The following PCDHGA6 variants were observed in gnomAD, a reference collection of about 807,000 sequenced individuals.
The protein encoded by PCDHGA6 is protocadherin gamma-A6.
A neutral mutation model predicts 60.6 loss-of-function variants in PCDHGA6; 41 were observed. The ratio of observed to expected loss-of-function variants is 0.68; its 90% CI spans 0.53 to 0.88. The LOEUF is 0.88. Among genes scored for constraint, PCDHGA6 ranks in the 40% least tolerant of loss-of-function variants. The pLI is 0.00. For missense variants in PCDHGA6, 1,312 were observed against 1,203.0 expected (o/e 1.09, Z -1.34); for synonymous variants, 594 against 524.4 (o/e 1.13, Z -1.81).
Position 141,490,398 on chromosome 5 carries a change from C to A in PCDHGA6, c.2425-4409C>A. 1 of 1,614,168 alleles carries A rather than the reference C, an allele frequency of 6.2e-7. No homozygotes were observed. Among genetic ancestry groups the A allele is most frequent in the South Asian group, 1.1e-5 (1 of 91,088 alleles). On this transcript the variant is annotated intron_variant, in intron 1 of 3. Coordinates refer to ENST00000517434, the MANE Select transcript of PCDHGA6 (RefSeq NM_018919.3). This position sits in a 1 kb window ranked among gnomAD's most constrained non-coding sequence, Gnocchi z 5.4. ...ACTCAGGTAGAAATGGTGAAGTGAG[C>A]CTTGATATCTCTCCGGACCTGCCAT...
intron 1 of PCDHGA6, chr5:141,441,665 A>ACAGTG (rs936537442): frequency 7.5e-6 from 2 of 265,720 alleles, no homozygotes; most frequent in African/African-American, 4.7e-5. Flanking sequence ...CCTTGAGCGC[A>ACAGTG]CAGTGCGCCT....
At chr5:141,387,568 T>G in intron 1 of PCDHGA6, 1 of 447,496 alleles carries the variant, frequency 2.2e-6, no homozygotes, top group Admixed American at 3.9e-5. Context: ...CACACAATTA[T>G]AATTATTGCA....
intron 1 of PCDHGA6, among the ~76,000 whole-genome samples, chr5:141,457,319 G>A (rs914658873): frequency 7.9e-5 from 12 of 152,086 alleles, no homozygotes; most frequent in East Asian, 3.8e-4. Flanking sequence ...AGAAACCTCC[G>A]GGTTACAGGT....
rs752472089 is a variant in PCDHGA6, at chr5:141,389,501, G to T, written c.2424+12994G>T. The T allele has an allele frequency of 3.7e-6, 6 of 1,612,948 alleles. No individual in the cohort carries two copies. In the East Asian group the frequency reaches 6.7e-5, roughly 18 times the overall value. On this transcript the variant is annotated intron_variant, in intron 1 of 3. Transcript: ENST00000517434. Reference sequence around the variant, plus strand: ...AGGCCCGCGACCAGGGCTCGCCAGCGCTCAGCGCGAACGTGAGCCTGCGCG... The same window carrying T: ...AGGCCCGCGACCAGGGCTCGCCAGCTCTCAGCGCGAACGTGAGCCTGCGCG...
At chr5:141,510,158 A>G (rs1406170246) in intron 3 of PCDHGA6, among the ~76,000 whole-genome samples, 1 of 152,018 alleles carries the variant, frequency 6.6e-6, no homozygotes, top group African/African-American at 2.4e-5. Flanking sequence ...CTGTAATCTC[A>G]GCTACTCAGG....
At chr5:141,505,261 T>C in intron 2 of PCDHGA6, 132 bp from the exon 3 acceptor site, 1 of 1,505,282 alleles carries the variant, frequency 6.6e-7, no homozygotes. Context: ...GCCTCCTACC[T>C]TGCTGAGAGA....
intron 1 of PCDHGA6, chr5:141,422,646 C>T (rs748692494): frequency 5.0e-6 from 8 of 1,611,836 alleles, no homozygotes; most frequent in Non-Finnish European, 6.8e-6. Flanking sequence ...CCTCCATCTT[C>T]TCAGTGACCG....
At chr5:141,509,040 C>G (rs1217864661) in intron 3 of PCDHGA6, among the ~76,000 whole-genome samples, 1 of 152,132 alleles carries the variant, frequency 6.6e-6, no homozygotes, top group Non-Finnish European at 1.5e-5. Context: ...CAACCCCTCT[C>G]CCCCGCCCCC....
intron 1 of PCDHGA6, among the ~76,000 whole-genome samples, chr5:141,470,011 C>T (rs2099218489): frequency 6.6e-6 from 1 of 152,144 alleles, no homozygotes; most frequent in Non-Finnish European, 1.5e-5. Context: ...CGCCTGTAAT[C>T]CCAGCTACTC....
chr5:141,495,839 A>G (rs2099764148), intron 2 of PCDHGA6, among the ~76,000 whole-genome samples: 1 of 150,756 alleles, frequency 6.6e-6, no homozygotes, highest in South Asian at 2.1e-4. Flanking sequence ...CCCAGCCTCT[A>G]TGTTTCTCTG....
rs1001516677 is a variant in PCDHGA6 at position 141,399,747 on chromosome 5, A to G, written c.2424+23240A>G. On this transcript the variant is annotated intron_variant, in intron 1 of 3. Coordinates refer to ENST00000517434, the MANE Select transcript of PCDHGA6 (RefSeq NM_018919.3). The stretch of plus-strand genomic sequence containing the variant: ...ACCAGGGCTCGCCTGCGCTCAGCGC[A>G]AACGTGAGCCTGCGCGTGTTGGTGG... 3.7e-6 allele frequency: 6 copies of G among 1,613,228 alleles called. No homozygotes were observed. In the African/African-American group the frequency reaches 6.7e-5, roughly 18 times the overall value.
At chr5:141,452,897 T>C (rs1447851469) in intron 1 of PCDHGA6, among the ~76,000 whole-genome samples, 1 of 152,230 alleles carries the variant, frequency 6.6e-6, no homozygotes, top group Non-Finnish European at 1.5e-5. Flanking sequence ...CCACTTTTAT[T>C]AGTTGGCATT....
At chr5:141,410,625 G>A (rs202058499) in intron 1 of PCDHGA6, 1 of 1,602,442 alleles carries the variant, frequency 6.2e-7, no homozygotes, top group Non-Finnish European at 8.5e-7. Flanking sequence ...ACTTCGGTGA[G>A]TTTCTCTTTT....
rs767892593 is a variant in PCDHGA6, at chr5:141,400,152, T to C, written c.2424+23645T>C. 8 of 1,614,064 alleles carry C rather than the reference T, an allele frequency of 5.0e-6. 1 individual carries two copies. In the South Asian group the frequency reaches 6.6e-5, roughly 13 times the overall value. Reference sequence around the variant, plus strand: ...TGCTGCCGGATATCACTGACCGCCCTGTACCCTCTGACCCCCAGGCTGAGC... The same window carrying C: ...TGCTGCCGGATATCACTGACCGCCCCGTACCCTCTGACCCCCAGGCTGAGC... On this transcript the variant is annotated intron_variant, in intron 1 of 3. Transcript: ENST00000517434.
At chr5:141,381,763 A>G (rs1419623732) in intron 1 of PCDHGA6, among the ~76,000 whole-genome samples, 2 of 151,122 alleles carry the variant, frequency 1.3e-5, no homozygotes, top group Non-Finnish European at 2.9e-5. Context: ...CTACTACTAT[A>G]TAATCAATAA....
intron 2 of PCDHGA6, among the ~76,000 whole-genome samples, chr5:141,498,309 G>A (rs2099783046): frequency 6.6e-6 from 1 of 151,844 alleles, no homozygotes; most frequent in Non-Finnish European, 1.5e-5. Flanking sequence ...GGGTCACACT[G>A]CCTACACAGA....
intron 1 of PCDHGA6, chr5:141,407,920 C>T: frequency 2.1e-6 from 1 of 475,788 alleles, no homozygotes; most frequent in Non-Finnish European, 3.6e-6. Context: ...GCTGCTGTCC[C>T]GCACGGAGCC....
chr5:141,511,265 A>C lies in PCDHGA6; in HGVS notation c.*92A>C. The C allele has an allele frequency of 6.4e-7, 1 of 1,551,730 alleles. No individual in the cohort carries two copies. Among genetic ancestry groups the C allele is most frequent in the Non-Finnish European group, 8.7e-7 (1 of 1,148,178 alleles). ...ACCCAGGCCTCAGAGTTTCAGGGCT[A>C]ACCCCCAGAATACTGGTAGGGGCCA... On this transcript the variant is annotated 3_prime_UTR_variant, in exon 4 of 4. Coordinates refer to ENST00000517434, the MANE Select transcript of PCDHGA6 (RefSeq NM_018919.3).
In PCDHGA6 at chr5:141,382,630, A is replaced by G. The variant is rs142649877; in HGVS notation, c.2424+6123A>G. ...TGAAATCAGTGTATTGTGTGCATCA[A>G]TGTGGTGCAGTAACTTAGTAAGGAC... On this transcript the variant is annotated intron_variant, in intron 1 of 3. Coordinates refer to ENST00000517434, the MANE Select transcript of PCDHGA6 (RefSeq NM_018919.3). The G allele has an allele frequency of 1.3e-4, 49 of 364,976 alleles. 1 individual carries two copies. Among genetic ancestry groups the G allele is most frequent in the Middle Eastern group, 7.2e-4 (1 of 1,388 alleles). 22.6% of individuals were successfully genotyped at this position (364,976 alleles called of 1,614,324 possible). A position where few individuals can be genotyped will look rare whatever the true frequency, so the allele number is the denominator to read the frequency against.
Sources: gnomAD v4.1 joint callset for allele counts (sites outside exome capture counted in the v4.1 genomes callset) on GRCh38, gnomAD v4.1.1 for gene constraint, Gnocchi (gnomAD v3.1) non-coding constraint, MANE v1.5 for transcripts, NCBI Gene and HGNC (gene_info 2026-07-23, HGNC 2026-07-21) for gene names.